The following CCDC187 variants were observed in gnomAD, a reference collection of about 807,000 sequenced individuals.
CCDC187 encodes coiled-coil domain-containing protein 187.
A neutral mutation model predicts 38.0 loss-of-function variants in CCDC187; 32 were observed. The ratio of observed to expected loss-of-function variants is 0.84; its 90% confidence interval spans 0.64 to 1.13. CCDC187 has a LOEUF of 1.13. Ranked by LOEUF, CCDC187 falls within the 50% of genes most tolerant of loss-of-function variation. The probability of loss-of-function intolerance (pLI) is 0.00; values close to 1 mark genes in which losing one functional copy is unlikely to be tolerated. For missense variants in CCDC187, 707 were observed against 786.8 expected, an observed-to-expected ratio of 0.90 and a Z score of 1.21; for synonymous variants, 333 against 347.9, an observed-to-expected ratio of 0.96 and a Z score of 0.48.
In CCDC187 at chr9:136,274,230, G is replaced by T. The variant is rs558114786; in HGVS notation, c.3442+428C>A. 4.6e-5 allele frequency among the ~76,000 whole-genome samples: 7 copies of T among 152,356 alleles called. No homozygotes were observed. The East Asian group carries it at 1.4e-3, about 29-fold the overall frequency. On this transcript the variant is annotated intron_variant, in intron 14 of 25. Coordinates refer to ENST00000638797, the MANE Select transcript of CCDC187 (RefSeq NM_001378188.1). ...CAGCTCAGAGGAGCTGAGACCCTCT[G>T]TCCCGGAGCAAGGCCGACAGCAGCC...
intron 14 of CCDC187, among the ~76,000 whole-genome samples, chr9:136,274,383 G>C (rs906765342): frequency 6.6e-6 from 1 of 152,260 alleles, no homozygotes; most frequent in Non-Finnish European, 1.5e-5. Context: ...CCAAGGCTGG[G>C]TGGGTGGAGA....
At position 136,281,658 on chromosome 9, in the gene CCDC187, T is replaced by A. The variant is rs1831046058; in HGVS notation, c.2933A>T (p.Tyr978Phe). Residue 978 changes from tyrosine (Y) to phenylalanine (F), a missense_variant, in exon 10 of 26, where the codon TAT becomes TTT. Transcript: ENST00000638797. ...AGGGTGCAGCGTGGCTGGGCCCGCA[T>A]ATGAGCTGGAAGACACAGGCACACG... ...QALSPSAGSS[Y>F]AGPATLHPIW... 2.5e-6 allele frequency: 1 copy of A among 398,340 alleles called. No homozygotes were observed. Among genetic ancestry groups the A allele is most frequent in the South Asian group, 1.3e-4 (1 of 7,856 alleles). The allele number at this position is 398,340 out of a possible 1,614,324, so 24.7% of individuals were successfully genotyped here.
intron 10 of CCDC187, 83 bp downstream of exon 10, chr9:136,281,468 G>A (rs1044599010): frequency 2.0e-5 from 8 of 398,512 alleles, no homozygotes; most frequent in Admixed American, 4.4e-5. Flanking sequence ...AAGCTCGAGT[G>A]CTAGGCAGTG....
intron 14 of CCDC187, among the ~76,000 whole-genome samples, chr9:136,269,126 CG>C (rs1830798356): frequency 6.6e-6 from 1 of 152,098 alleles, no homozygotes; most frequent in South Asian, 2.1e-4. Context: ...AGAAGCGTTC[CG>C]GGGGACTGGA....
intron 7 of CCDC187, among the ~76,000 whole-genome samples, 175 bp downstream of exon 7, chr9:136,289,784 G>A (rs1299145148): frequency 5.3e-5 from 8 of 152,146 alleles, no homozygotes; most frequent in East Asian, 1.9e-4. Context: ...AGTGGTGACC[G>A]CCTCCTCCAA....
chr9:136,290,569 C>T lies in CCDC187; in HGVS notation c.2044G>A (p.Ala682Thr). The change falls in exon 6 of 26, where the codon GCC (alanine) becomes ACC (threonine). Residue 682 changes from alanine (A) to threonine (T), a missense_variant. Physicochemically the swap from Ala to Thr is moderately conservative, Grantham distance 58. Coordinates refer to ENST00000638797, the MANE Select transcript of CCDC187 (RefSeq NM_001378188.1). ...ACGGGGACCGCCCTGCCGAGGACGG[C>T]CTCCCTCTGCTGCCGGTAGACCTCC... ...LQEVYRQQRE[A>T]VLGRAVPVVS... is the part of the protein sequence containing the mutation. 1 of 399,038 alleles carries T rather than the reference C, an allele frequency of 2.5e-6. No homozygotes were observed. Among genetic ancestry groups the T allele is most frequent in the Non-Finnish European group, 4.4e-6 (1 of 226,392 alleles). 24.7% of individuals were successfully genotyped at this position (399,038 alleles called of 1,614,324 possible).
intron 14 of CCDC187, among the ~76,000 whole-genome samples, 157 bp downstream of exon 14, chr9:136,274,501 G>A (rs1830893893): frequency 6.6e-6 from 1 of 152,264 alleles, no homozygotes; most frequent in Non-Finnish European, 1.5e-5. Context: ...AGACCTGGCT[G>A]CAGATCCCAG....
chr9:136,303,594 C>G (rs1450566001), intron 1 of CCDC187, 94 bp downstream of exon 1: 1 of 157,138 alleles, frequency 6.4e-6, no homozygotes, highest in African/African-American at 2.4e-5. Flanking sequence ...TCTGACCCCA[C>G]GCCCTTGTAC....
chr9:136,301,933 T>C (rs1190202236), intron 2 of CCDC187, among the ~76,000 whole-genome samples: 5 of 152,018 alleles, frequency 3.3e-5, no homozygotes, highest in African/African-American at 1.2e-4. Flanking sequence ...TAGAGGAGGC[T>C]GGGCACCGTG....
chr9:136,299,168 G>A (rs1292741755), intron 3 of CCDC187, among the ~76,000 whole-genome samples: 16 of 152,154 alleles, frequency 1.1e-4, no homozygotes, highest in African/African-American at 3.4e-4. Context: ...AGGCGGAACC[G>A]GATCTGGATG....
Position 136,258,771 on chromosome 9 carries a change from A to C in CCDC187, c.4366+161T>G. 1.0e-6 allele frequency: 1 copy of C among 985,352 alleles called. No homozygotes were observed. The highest frequency in any genetic ancestry group is 1.2e-6 in the Non-Finnish European group (1 of 829,904). 61.0% of individuals were successfully genotyped at this position (985,352 alleles called of 1,614,324 possible). ...AGATGGAGCCGGCCACTCTTCTTGC[A>C]GTGAAGGGGTCTGAGGCCAGGGTGG... On this transcript the variant is annotated intron_variant, in intron 22 of 25. Coordinates refer to ENST00000638797, the MANE Select transcript of CCDC187 (RefSeq NM_001378188.1). The surrounding 1 kb of genome is among the most constrained non-coding windows in gnomAD (Gnocchi z 4.3).
intron 20 of CCDC187, 92 bp from the exon 21 acceptor site, chr9:136,259,540 G>A: frequency 1.9e-6 from 1 of 533,452 alleles, no homozygotes; most frequent in Non-Finnish European, 2.4e-6. Context: ...GGAGCTGCCA[G>A]GGGGTGGGGG....
chr9:136,271,059 C>T (rs960259737), intron 14 of CCDC187, among the ~76,000 whole-genome samples: 2 of 152,234 alleles, frequency 1.3e-5, no homozygotes, highest in African/African-American at 4.8e-5. Flanking sequence ...TGCCTTCAGT[C>T]TCTTGCCTCG....
chr9:136,294,267 TAC>T (rs1831480526), intron 4 of CCDC187, among the ~76,000 whole-genome samples: 1 of 145,458 alleles, frequency 6.9e-6, no homozygotes, highest in South Asian at 2.2e-4. Context: ...CGCGCTCATA[TAC>T]ACACGCCCTC....
At chr9:136,293,317 A>G (rs1831401046) in intron 4 of CCDC187, among the ~76,000 whole-genome samples, 1 of 148,936 alleles carries the variant, frequency 6.7e-6, no homozygotes, top group Non-Finnish European at 1.5e-5. Context: ...TCACACACTC[A>G]CACTCACATG....
intron 16 of CCDC187, chr9:136,266,951 G>T (rs1239147958): frequency 6.6e-6 from 1 of 152,314 alleles, no homozygotes; most frequent in Non-Finnish European, 1.5e-5. Flanking sequence ...GCGTGGTGGC[G>T]CACACCTGTA....
chr9:136,281,369 C>T (rs950400201), intron 10 of CCDC187, 182 bp downstream of exon 10: 17 of 398,386 alleles, frequency 4.3e-5, no homozygotes, highest in Non-Finnish European at 7.1e-5. Flanking sequence ...GCACAGAGCA[C>T]GCAGAGGGTC....
rs1830550644 is a variant in CCDC187 at position 136,252,145 on chromosome 9, AGG to A, written c.*1447_*1448del. 3 of 58,908 alleles carry A rather than the reference AGG, an allele frequency of 5.1e-5. No homozygotes were observed. Among genetic ancestry groups the A allele is most frequent in the Admixed American group, 2.0e-4 (1 of 4,924 alleles). 3.6% of individuals were successfully genotyped at this position (58,908 alleles called of 1,614,324 possible). A position where few individuals can be genotyped will look rare whatever the true frequency, so the allele number is the denominator to read the frequency against. ...AGAGCCGGCGCCCACCCTGTCCACC[AGG>A]GGAAGAGCCGGCCGCCCACCCGGTC... is the stretch of plus-strand genomic sequence containing the variant. On this transcript the variant is annotated 3_prime_UTR_variant, in exon 26 of 26. Transcript: ENST00000638797.
chr9:136,267,717 G>T, intron 15 of CCDC187: 1 of 895,902 alleles, frequency 1.1e-6, no homozygotes, highest in Non-Finnish European at 1.3e-6. Flanking sequence ...AGCTGGCGGG[G>T]CAGGCAGGAT....
Sources: allele counts gnomAD v4.1 joint callset (sites outside exome capture counted in the v4.1 genomes callset), GRCh38; gene constraint gnomAD v4.1.1; non-coding constraint Gnocchi (gnomAD v3.1); transcripts MANE v1.5; gene names NCBI Gene and HGNC (gene_info 2026-07-23, HGNC 2026-07-21).